The following ZNF354B variants were observed in gnomAD, a reference collection of about 807,000 sequenced individuals.
ZNF354B encodes zinc finger protein 354B.
Under a neutral mutation model 12.9 loss-of-function variants are expected in ZNF354B, and 10 were observed. That is an observed-to-expected ratio of 0.77 (90% CI 0.48 to 1.31). The LOEUF (loss-of-function observed/expected upper bound fraction) is 1.31. ZNF354B is among the 40% of genes most tolerant of loss of function. The pLI, the probability that ZNF354B is intolerant of heterozygous loss-of-function variation, is 0.00. For synonymous variants in ZNF354B, 260 were observed against 243.7 expected, an observed-to-expected ratio of 1.07 and a Z score of -0.62; for missense variants, 614 against 711.7, an observed-to-expected ratio of 0.86 and a Z score of 1.56.
At chr5:178,865,358 C>T (rs908765563) in intron 2 of ZNF354B, among the ~76,000 whole-genome samples, 2 of 152,052 alleles carry the variant, frequency 1.3e-5, no homozygotes, top group East Asian at 1.9e-4. Context: ...ATCTCTGCTT[C>T]CCGGGTTCAA....
At chr5:178,861,334 AGTCT>A (rs961163146) in intron 2 of ZNF354B, among the ~76,000 whole-genome samples, 5 of 152,040 alleles carry the variant, frequency 3.3e-5, no homozygotes, top group Non-Finnish European at 5.9e-5. Flanking sequence ...AGATACCACA[AGTCT>A]GTCTGTCACT....
chr5:178,875,278 G>A (rs1185690652), intron 4 of ZNF354B, among the ~76,000 whole-genome samples: 1 of 152,230 alleles, frequency 6.6e-6, no homozygotes, highest in African/African-American at 2.4e-5. Context: ...CCGGTTGGTG[G>A]TAGTTGTGGC....
intron 4 of ZNF354B, among the ~76,000 whole-genome samples, chr5:178,880,790 C>A (rs931882873): frequency 3.3e-5 from 5 of 151,348 alleles, no homozygotes; most frequent in African/African-American, 1.2e-4. Context: ...GTACCTGTAC[C>A]CAGCCCATCA....
chr5:178,876,809 T>G (rs985695828), intron 4 of ZNF354B, among the ~76,000 whole-genome samples: 33 of 152,194 alleles, frequency 2.2e-4, no homozygotes, highest in Admixed American at 7.2e-4. Flanking sequence ...TCCCTCTAGC[T>G]CTGAGCATCT....
At chr5:178,861,426 A>T (rs1243937531) in intron 2 of ZNF354B, among the ~76,000 whole-genome samples, 1 of 152,184 alleles carries the variant, frequency 6.6e-6, no homozygotes, top group Non-Finnish European at 1.5e-5. Flanking sequence ...CTTCGCAGGA[A>T]TACTTTCTCT....
intron 2 of ZNF354B, among the ~76,000 whole-genome samples, chr5:178,865,686 T>C (rs900867520): frequency 5.3e-5 from 8 of 152,230 alleles, no homozygotes; most frequent in African/African-American, 1.9e-4. Flanking sequence ...TACTAATGAT[T>C]AATACAAAGC....
chr5:178,876,239 G>A (rs1757636007), intron 4 of ZNF354B, among the ~76,000 whole-genome samples: 1 of 152,244 alleles, frequency 6.6e-6, no homozygotes, highest in Admixed American at 6.5e-5. Flanking sequence ...CAGGTCGGGA[G>A]GCCCTGTCCA....
chr5:178,871,671 G>A (rs1757566588), intron 4 of ZNF354B, among the ~76,000 whole-genome samples: 1 of 152,190 alleles, frequency 6.6e-6, no homozygotes, highest in African/African-American at 2.4e-5. Context: ...TAGGTTAGTG[G>A]TGTTGGAGAC....
In ZNF354B at chr5:178,884,433, C is replaced by T. The variant is rs1321987169; in HGVS notation, c.*142C>T. On this transcript the variant is annotated 3_prime_UTR_variant, in exon 5 of 5. Transcript: ENST00000322434. Reference sequence around the variant, plus strand: ...GCTATGTAATAACTTATGGGAAAAGCTTTTATACTTGTCACTCACTTTTTA... The same window carrying T: ...GCTATGTAATAACTTATGGGAAAAGTTTTTATACTTGTCACTCACTTTTTA... 1.4e-5 allele frequency: 12 copies of T among 860,048 alleles called. No individual in the cohort carries two copies. The highest frequency in any genetic ancestry group is 2.0e-5 in the Non-Finnish European group (12 of 588,556). 53.3% of individuals were successfully genotyped at this position (860,048 alleles called of 1,614,324 possible).
rs1757450590 is a variant in ZNF354B at position 178,866,226 on chromosome 5, AAC to A, written c.34-17_34-16del. 7 of 1,613,070 alleles carry A rather than the reference AAC, an allele frequency of 4.3e-6. No individual in the cohort carries two copies. In the Admixed American group the frequency reaches 1.0e-4, roughly 23 times the overall value. ...GTGAGGGTGGTCCTGGGTGAGCTGG[AAC>A]GACTTGTCCTTACAGGTGTCACTGA... is the stretch of plus-strand genomic sequence containing the variant. On this transcript the variant is annotated splice_polypyrimidine_tract_variant and intron_variant, in intron 2 of 4. Transcript: ENST00000322434.
intron 4 of ZNF354B, among the ~76,000 whole-genome samples, chr5:178,874,508 AT>A (rs754800937): frequency 6.6e-6 from 1 of 151,774 alleles, no homozygotes; most frequent in Non-Finnish European, 1.5e-5. Flanking sequence ...GAGCTCTGAG[AT>A]TTTTTCCTCA....
At chr5:178,880,584 C>T (rs549027504) in intron 4 of ZNF354B, among the ~76,000 whole-genome samples, 1 of 151,438 alleles carries the variant, frequency 6.6e-6, no homozygotes, top group Non-Finnish European at 1.5e-5. Flanking sequence ...ATTGTAGCCT[C>T]CTGGGCTCAA....
intron 4 of ZNF354B, among the ~76,000 whole-genome samples, chr5:178,875,659 C>T (rs774953347): frequency 3.9e-5 from 6 of 152,160 alleles, no homozygotes; most frequent in Non-Finnish European, 7.3e-5. Context: ...AGCCGAGGGG[C>T]GAGGTGGCTA....
chr5:178,881,434 A>G (rs756578293), intron 4 of ZNF354B, among the ~76,000 whole-genome samples: 2 of 152,158 alleles, frequency 1.3e-5, no homozygotes, highest in Non-Finnish European at 2.9e-5. Flanking sequence ...CATTTGTATA[A>G]TGTTATTACA....
Position 178,882,695 on chromosome 5 carries a change from T to C in ZNF354B, c.257-14T>C. The C allele has an allele frequency of 6.5e-7, 1 of 1,535,182 alleles. No individual in the cohort carries two copies. Among genetic ancestry groups the C allele is most frequent in the Non-Finnish European group, 8.7e-7 (1 of 1,151,774 alleles). On this transcript the variant is annotated splice_polypyrimidine_tract_variant and intron_variant, in intron 4 of 4. Coordinates refer to ENST00000322434, the MANE Select transcript of ZNF354B (RefSeq NM_058230.3). ...TGAATCATGGGCTGTTGCTTTCTTT[T>C]TTTCTTTTTTCAGGATGTAAGAGCA...
intron 4 of ZNF354B, among the ~76,000 whole-genome samples, chr5:178,878,173 G>A (rs919867638): frequency 2.0e-5 from 3 of 152,130 alleles, no homozygotes; most frequent in Admixed American, 1.3e-4. Flanking sequence ...CACGAGGTCA[G>A]GAGATCGAGA....
intron 2 of ZNF354B, among the ~76,000 whole-genome samples, chr5:178,865,433 A>C (rs1054765107): frequency 1.3e-5 from 2 of 151,828 alleles, no homozygotes; most frequent in Non-Finnish European, 2.9e-5. Flanking sequence ...ATGCCTGGTT[A>C]ATTTTTGTTA....
At chr5:178,866,408 T>C (rs772792734) in intron 3 of ZNF354B, 38 bp downstream of exon 3, 5 of 1,591,874 alleles carry the variant, frequency 3.1e-6, no homozygotes, top group Non-Finnish European at 4.3e-6. Context: ...AATTCAAAAA[T>C]TGGGATATCT....
chr5:178,869,800 C>T (rs941460153), intron 4 of ZNF354B, among the ~76,000 whole-genome samples: 1 of 152,072 alleles, frequency 6.6e-6, no homozygotes, highest in Non-Finnish European at 1.5e-5. Flanking sequence ...GGATGACCTT[C>T]GTCCTCCTTT....
Sources: gnomAD v4.1 joint callset for allele counts (sites outside exome capture counted in the v4.1 genomes callset) on GRCh38, gnomAD v4.1.1 for gene constraint, MANE v1.5 for transcripts, NCBI Gene and HGNC (gene_info 2026-07-23, HGNC 2026-07-21) for gene names.